FOXP1: variants seen among roughly 807,000 people sequenced by gnomAD.
The protein encoded by FOXP1 is forkhead box P1.
FOXP1 carries 15 observed loss-of-function variants against 98.2 expected under a neutral mutation model. That is an observed-to-expected ratio of 0.15 (90% CI 0.10 to 0.24). FOXP1 has a LOEUF of 0.24. FOXP1 is among the 10% of genes least tolerant of loss of function. The pLI is 1.00. For missense variants in FOXP1, 633 were observed against 848.5 expected, an observed-to-expected ratio of 0.75 and a Z score of 3.15; for synonymous variants, 371 against 314.5, an observed-to-expected ratio of 1.18 and a Z score of -1.90.
At chr3:71,310,435 T>C (rs1473919943) in intron 4 of FOXP1, among the ~76,000 whole-genome samples, 1 of 152,176 alleles carries the variant, frequency 6.6e-6, no homozygotes, top group Non-Finnish European at 1.5e-5. Flanking sequence ...AAAAAATAAC[T>C]GAAAAAAAAT....
intron 9 of FOXP1, among the ~76,000 whole-genome samples, chr3:71,048,080 C>T (rs181198266): frequency 6.0e-4 from 91 of 152,102 alleles, no homozygotes; most frequent in African/African-American, 2.2e-3. Flanking sequence ...AGGTGGAGGT[C>T]TTAGCCACAT....
chr3:71,124,654 A>G (rs200133677), intron 6 of FOXP1, among the ~76,000 whole-genome samples: 8 of 74,292 alleles, frequency 1.1e-4, no homozygotes, highest in African/African-American at 1.5e-4. Context: ...AAAAAAAAAA[A>G]GAAAAAAAAA....
chr3:71,441,838 G>C (rs917438460), intron 3 of FOXP1, among the ~76,000 whole-genome samples: 2 of 152,186 alleles, frequency 1.3e-5, no homozygotes, highest in Non-Finnish European at 2.9e-5. Flanking sequence ...CATCTTGGCA[G>C]CCTATCAACC....
intron 1 of FOXP1, 179 bp downstream of exon 1, chr3:71,583,392 A>T (rs763103373): frequency 3.5e-6 from 3 of 869,514 alleles, no homozygotes; most frequent in Non-Finnish European, 4.1e-6. Context: ...GGGCTGGGGG[A>T]GATGCACGTG....
intron 5 of FOXP1, among the ~76,000 whole-genome samples, chr3:71,249,270 T>C (rs549806453): frequency 4.2e-4 from 64 of 152,368 alleles, no homozygotes; most frequent in African/African-American, 1.5e-3. Flanking sequence ...GGCCTTGACT[T>C]CCTCTTCCTG....
chr3:71,565,910 G>A (rs571241917), intron 2 of FOXP1, among the ~76,000 whole-genome samples: 1 of 152,294 alleles, frequency 6.6e-6, no homozygotes, highest in Admixed American at 6.5e-5. Flanking sequence ...GGTCGATAAA[G>A]GAGTACATGA....
intron 4 of FOXP1, among the ~76,000 whole-genome samples, chr3:71,301,655 A>G (rs576522342): frequency 1.3e-5 from 2 of 152,320 alleles, no homozygotes; most frequent in African/African-American, 2.4e-5. Context: ...AGACTTTGCA[A>G]TGCAGATGAG....
intron 7 of FOXP1, among the ~76,000 whole-genome samples, chr3:71,106,360 CAG>C (rs1202016493): frequency 6.6e-6 from 1 of 152,156 alleles, no homozygotes; most frequent in African/African-American, 2.4e-5. Flanking sequence ...CTTTTTGAGA[CAG>C]AGTCTCGCTG....
chr3:71,294,291 CA>C (rs945749396), intron 5 of FOXP1, among the ~76,000 whole-genome samples: 6 of 152,096 alleles, frequency 3.9e-5, no homozygotes, highest in African/African-American at 7.2e-5. Flanking sequence ...ATTCTGTTAA[CA>C]AAAAATTAAC....
intron 6 of FOXP1, among the ~76,000 whole-genome samples, chr3:71,194,833 G>T (rs184933622): frequency 2.0e-5 from 3 of 152,328 alleles, no homozygotes; most frequent in African/African-American, 7.2e-5. Flanking sequence ...GACATAAATA[G>T]AGTTGAAACA....
At chr3:71,285,545 G>A (rs2072022963) in intron 5 of FOXP1, among the ~76,000 whole-genome samples, 1 of 152,142 alleles carries the variant, frequency 6.6e-6, no homozygotes, top group Non-Finnish European at 1.5e-5. Flanking sequence ...TTCAGATGAT[G>A]CTTTTCCTAT....
At chr3:71,220,645 T>C (rs2065291565) in intron 5 of FOXP1, among the ~76,000 whole-genome samples, 1 of 151,806 alleles carries the variant, frequency 6.6e-6, no homozygotes, top group African/African-American at 2.4e-5. Flanking sequence ...CCCAACTACT[T>C]GGGAGGCTGA....
chr3:71,203,960 G>A (rs907898410), intron 5 of FOXP1, among the ~76,000 whole-genome samples: 5 of 151,204 alleles, frequency 3.3e-5, no homozygotes, highest in African/African-American at 1.2e-4. Context: ...AAGGAAGGAA[G>A]GAAGGAAGGA....
chr3:70,993,931 T>G (rs1319913555), intron 13 of FOXP1, among the ~76,000 whole-genome samples: 1 of 150,954 alleles, frequency 6.6e-6, no homozygotes, highest in Non-Finnish European at 1.5e-5. Flanking sequence ...GAGGTGGAAG[T>G]TGCAGTGAGC....
Position 70,958,707 on chromosome 3 carries a change from C to T in FOXP1, c.*540G>A, listed in dbSNP as rs1395905226. On this transcript the variant is annotated 3_prime_UTR_variant, in exon 21 of 21. Transcript: ENST00000649528. The stretch of plus-strand genomic sequence containing the variant: ...TTTTAACCCCTCCCCCCAATACACA[C>T]ACAAAGGCCTTCCCCATCCCAACTG... The T allele has an allele frequency of 7.6e-6, 1 of 132,032 alleles. No homozygotes were observed. Among genetic ancestry groups the T allele is most frequent in the African/African-American group, 3.9e-5 (1 of 25,964 alleles). 8.2% of individuals were successfully genotyped at this position (132,032 alleles called of 1,614,324 possible).
chr3:71,231,807 G>A (rs1576494438), intron 5 of FOXP1, among the ~76,000 whole-genome samples: 1 of 152,330 alleles, frequency 6.6e-6, no homozygotes, highest in Middle Eastern at 3.4e-3. Flanking sequence ...AGATATCAAA[G>A]AATGTAGGGT....
intron 7 of FOXP1, among the ~76,000 whole-genome samples, chr3:71,110,687 AAC>A (rs2057844896): frequency 6.6e-6 from 1 of 152,220 alleles, no homozygotes; most frequent in Non-Finnish European, 1.5e-5. Flanking sequence ...TGACCTCTGA[AAC>A]ACAATTCCCA....
intron 4 of FOXP1, among the ~76,000 whole-genome samples, chr3:71,339,673 C>A (rs2076900034): frequency 6.6e-6 from 1 of 152,202 alleles, no homozygotes; most frequent in South Asian, 2.1e-4. Context: ...CTGTTTACTT[C>A]ATATTTGTGA....
chr3:71,142,991 G>T (rs2060143220), intron 6 of FOXP1, among the ~76,000 whole-genome samples: 1 of 152,086 alleles, frequency 6.6e-6, no homozygotes, highest in Non-Finnish European at 1.5e-5. Context: ...GCAGGGCAGG[G>T]CTTGCATACT....
Sources: allele counts gnomAD v4.1 joint callset (sites outside exome capture counted in the v4.1 genomes callset), GRCh38; gene constraint gnomAD v4.1.1; transcripts MANE v1.5; gene names NCBI Gene and HGNC (gene_info 2026-07-23, HGNC 2026-07-21).